SLC44A5: variants seen among roughly 807,000 people sequenced by gnomAD.
SLC44A5 encodes choline transporter-like protein 5.
In SLC44A5, 57 loss-of-function variants were observed where a neutral mutation model predicts 101.8. The ratio of observed to expected loss-of-function variants is 0.56; its 90% CI spans 0.45 to 0.70. The LOEUF (loss-of-function observed/expected upper bound fraction) is 0.70. Ranked by LOEUF, SLC44A5 falls within the 30% of genes least tolerant of loss-of-function variation. The pLI is 0.00. For missense variants in SLC44A5, 737 were observed against 853.1 expected, an observed-to-expected ratio of 0.86 and a Z score of 1.70; for synonymous variants, 281 against 290.9, an observed-to-expected ratio of 0.97 and a Z score of 0.35.
intron 2 of SLC44A5, among the ~76,000 whole-genome samples, chr1:75,440,538 AT>A (rs1447813559): frequency 6.6e-6 from 1 of 151,976 alleles, no homozygotes; most frequent in Non-Finnish European, 1.5e-5. Flanking sequence ...GACTACGAAG[AT>A]TTTTCCATTT....
rs1672015485 is a variant in SLC44A5, at chr1:75,552,877, TATAA to T, written c.-69-11365_-69-11362del. On this transcript the variant is annotated intron_variant, in intron 1 of 23. Coordinates refer to ENST00000370859, the MANE Select transcript of SLC44A5 (RefSeq NM_001130058.2). Reference sequence around the variant, plus strand: ...TTCACATTTGTGGCTACAAAACAATTATAAATGATAACTTTTCCATGCTTTCACC... The same window carrying T: ...TTCACATTTGTGGCTACAAAACAATTATGATAACTTTTCCATGCTTTCACC... 1.2e-4 allele frequency among the ~76,000 whole-genome samples: 15 copies of T among 126,686 alleles called. No homozygotes were observed. In the South Asian group the frequency reaches 4.0e-3, roughly 34 times the overall value. The allele number at this position is 126,686 out of a possible 152,430, so 83.1% of individuals were successfully genotyped here.
chr1:75,702,196 G>A, the SLC44A5 span, among the ~76,000 whole-genome samples: 1 of 152,130 alleles, frequency 6.6e-6, no homozygotes, highest in Non-Finnish European at 1.5e-5. Flanking sequence ...AGCCCGCATT[G>A]CCAAGTCAAT....
chr1:75,542,445 A>G (rs1486550075), intron 1 of SLC44A5, among the ~76,000 whole-genome samples: 1 of 152,100 alleles, frequency 6.6e-6, no homozygotes, highest in Non-Finnish European at 1.5e-5. Context: ...GAATATTTTA[A>G]TTAATTATTT....
intron 5 of SLC44A5, among the ~76,000 whole-genome samples, chr1:75,288,475 G>T (rs633813): frequency 0.77 from 116,729 of 151,492 alleles, 45,439 homozygotes; most frequent in East Asian, 0.97. Context: ...ATTTGGTCAT[G>T]AATGAATGAA....
In SLC44A5 at chr1:75,268,024, T is replaced by A. The variant is rs191899553; in HGVS notation, c.260+6934A>T. ...ACTCTTGTTGGAACACCTTTCTATG[T>A]CCTTCTCTGCACTTATAAATAATCC... is the stretch of plus-strand genomic sequence containing the variant. On this transcript the variant is annotated intron_variant, in intron 6 of 23. Coordinates refer to ENST00000370859, the MANE Select transcript of SLC44A5 (RefSeq NM_001130058.2). Among the ~76,000 whole-genome samples the A allele has an allele frequency of 1.5e-4, 23 of 152,352 alleles. No individual in the cohort carries two copies. In the East Asian group the frequency reaches 4.4e-3, roughly 29 times the overall value.
intron 23 of SLC44A5, among the ~76,000 whole-genome samples, chr1:75,207,468 G>A (rs2100429620): frequency 6.6e-6 from 1 of 152,274 alleles, no homozygotes; most frequent in Admixed American, 6.5e-5. Flanking sequence ...GGAAGCACCA[G>A]AATTATGCTG....
At chr1:75,403,542 T>G (rs938492413) in intron 2 of SLC44A5, among the ~76,000 whole-genome samples, 10 of 152,264 alleles carry the variant, frequency 6.6e-5, no homozygotes, top group Middle Eastern at 3.4e-3. Context: ...CCTCTGGTGA[T>G]ACCCAGGAAA....
intron 3 of SLC44A5, among the ~76,000 whole-genome samples, chr1:75,352,259 G>T (rs1453252541): frequency 6.6e-6 from 1 of 151,908 alleles, no homozygotes; most frequent in African/African-American, 2.4e-5. Flanking sequence ...TGTTACATAG[G>T]TCAAAGTGTG....
chr1:75,717,201 C>T, the SLC44A5 span, among the ~76,000 whole-genome samples: 9 of 151,880 alleles, frequency 5.9e-5, no homozygotes, highest in South Asian at 1.5e-3. Context: ...ATTGGCCCAG[C>T]GCTGTGGCTC....
chr1:75,700,929 G>A, the SLC44A5 span, among the ~76,000 whole-genome samples: 1 of 151,998 alleles, frequency 6.6e-6, no homozygotes, highest in Admixed American at 6.6e-5. Flanking sequence ...AATTCCTGGA[G>A]ACATACAGCC....
At chr1:75,301,697 T>C (rs370204681) in intron 4 of SLC44A5, among the ~76,000 whole-genome samples, 27 of 152,302 alleles carry the variant, frequency 1.8e-4, no homozygotes, top group African/African-American at 6.0e-4. Context: ...CTGTTATACT[T>C]GTATTACTTT....
At position 75,444,458 on chromosome 1, in the gene SLC44A5, AAAG is replaced by A. The variant is rs1431205299; in HGVS notation, c.14-47840_14-47838del. On this transcript the variant is annotated intron_variant, in intron 2 of 23. Coordinates refer to ENST00000370859, the MANE Select transcript of SLC44A5 (RefSeq NM_001130058.2). ...GACAGAGAAAGAAAGAAAGAAAGAA[AAAG>A]AAAAAAAGAAAGAGAAAGAAAGAAG... is the stretch of plus-strand genomic sequence containing the variant. Among the ~76,000 whole-genome samples, 37 of 115,114 alleles carry A rather than the reference AAAG, an allele frequency of 3.2e-4. 1 individual carries two copies. In the South Asian group the frequency reaches 0.01, roughly 32 times the overall value. 75.5% of individuals were successfully genotyped at this position (115,114 alleles called of 152,430 possible).
intron 3 of SLC44A5, among the ~76,000 whole-genome samples, chr1:75,392,540 T>G (rs977690887): frequency 6.6e-6 from 1 of 152,142 alleles, no homozygotes; most frequent in Non-Finnish European, 1.5e-5. Context: ...AAGGAACTCT[T>G]TATGCTGTTG....
the SLC44A5 span, among the ~76,000 whole-genome samples, chr1:75,650,088 A>C: frequency 1.3e-5 from 2 of 151,948 alleles, no homozygotes; most frequent in South Asian, 4.2e-4. Flanking sequence ...TACTTTAGGG[A>C]GTATGAGTAC....
At chr1:75,341,414 G>A (rs947790817) in intron 3 of SLC44A5, among the ~76,000 whole-genome samples, 5 of 152,020 alleles carry the variant, frequency 3.3e-5, no homozygotes, top group Admixed American at 6.6e-5. Flanking sequence ...CCCAGGAGGC[G>A]GACGTTGCAG....
chr1:75,537,034 ATATAT>A (rs1671090040), intron 2 of SLC44A5, among the ~76,000 whole-genome samples: 3 of 18,648 alleles, frequency 1.6e-4, no homozygotes, highest in Admixed American at 9.0e-4. Context: ...AAAAAAAAAA[ATATAT>A]ATCTATGCCA....
intron 2 of SLC44A5, among the ~76,000 whole-genome samples, chr1:75,452,975 A>T (rs1418086873): frequency 6.6e-6 from 1 of 152,132 alleles, no homozygotes; most frequent in East Asian, 1.9e-4. Flanking sequence ...CACTATTCAG[A>T]CCATCAAGGC....
intron 1 of SLC44A5, among the ~76,000 whole-genome samples, chr1:75,571,913 C>T (rs941755278): frequency 6.6e-6 from 1 of 151,922 alleles, no homozygotes; most frequent in Non-Finnish European, 1.5e-5. Flanking sequence ...AAGTAATCAA[C>T]AAATGAATTA....
chr1:75,221,960 C>CT (rs1386952425), intron 14 of SLC44A5, among the ~76,000 whole-genome samples: 6,300 of 97,064 alleles, frequency 0.065, 182 homozygotes, highest in South Asian at 0.14. Flanking sequence ...TCTTCTTCTT[C>CT]TTTTTTTTTT....
Sources: gnomAD v4.1 joint callset for allele counts (sites outside exome capture counted in the v4.1 genomes callset) on GRCh38, gnomAD v4.1.1 for gene constraint, MANE v1.5 for transcripts, NCBI Gene and HGNC (gene_info 2026-07-23, HGNC 2026-07-21) for gene names.